Variants in PCDH15 observed in about 807,000 individuals in gnomAD.
The protein encoded by PCDH15 is protocadherin-15.
PCDH15 carries 129 observed loss-of-function variants against 178.5 expected under a neutral mutation model. The ratio of observed to expected loss-of-function variants is 0.72; its 90% CI spans 0.63 to 0.84. PCDH15 has a LOEUF of 0.84. Among genes scored for constraint, PCDH15 ranks in the 40% least tolerant of loss-of-function variants. The pLI is 0.00. For missense variants in PCDH15, 2,230 were observed against 2,099.9 expected, an observed-to-expected ratio of 1.06 and a Z score of -1.21; for synonymous variants, 800 against 732.0, an observed-to-expected ratio of 1.09 and a Z score of -1.50.
intron 18 of PCDH15, among the ~76,000 whole-genome samples, chr10:54,028,457 G>T (rs112422885): frequency 0.036 from 5,476 of 151,280 alleles, 109 homozygotes; most frequent in African/African-American, 0.05. Context: ...CAAAGGACTA[G>T]AAATCATGCT....
rs150740276 is a variant in PCDH15 at position 54,580,038 on chromosome 10, G to T, written c.92-52161C>A. Among the ~76,000 whole-genome samples, 260 of 152,048 alleles carry T rather than the reference G, an allele frequency of 1.7e-3. 2 individuals are homozygous for T. Among genetic ancestry groups the T allele is most frequent in the African/African-American group, 6.1e-3 (253 of 41,502 alleles). On this transcript the variant is annotated intron_variant, in intron 2 of 37. Coordinates refer to ENST00000644397, the MANE Select transcript of PCDH15 (RefSeq NM_001384140.1). ...GAAGTTAGAAAGATCTCAAATTAAT[G>T]ATCTAACATTACACCTATGGGAACC...
chr10:55,138,111 A>G (rs867814853), intron 2 of PCDH15, among the ~76,000 whole-genome samples: 3 of 152,198 alleles, frequency 2.0e-5, no homozygotes, highest in African/African-American at 4.8e-5. Flanking sequence ...TTGCTGCTAT[A>G]GCTGTTGTAA....
intron 14 of PCDH15, 33 bp from the exon 15 acceptor site, chr10:54,133,040 C>G: frequency 6.2e-7 from 1 of 1,613,384 alleles, no homozygotes; most frequent in Non-Finnish European, 8.5e-7. Flanking sequence ...AAGATGGTTA[C>G]GAATCTGCAT....
chr10:54,010,977 A>C (rs373259016), intron 20 of PCDH15, among the ~76,000 whole-genome samples: 5 of 152,208 alleles, frequency 3.3e-5, no homozygotes, highest in African/African-American at 1.2e-4. Flanking sequence ...GGACTGGAGA[A>C]GAAAGAAAGG....
At chr10:55,340,611 G>A (rs1844528834) in intron 2 of PCDH15, among the ~76,000 whole-genome samples, 2 of 151,788 alleles carry the variant, frequency 1.3e-5, no homozygotes, top group African/African-American at 4.8e-5. Context: ...CTTATTTTTA[G>A]TAATCTTCTT....
chr10:55,357,845 C>G (rs1477514210), intron 2 of PCDH15, among the ~76,000 whole-genome samples: 1 of 152,042 alleles, frequency 6.6e-6, no homozygotes, highest in Middle Eastern at 3.4e-3. Flanking sequence ...GTTTCTACTG[C>G]CCCCATACAT....
intron 1 of PCDH15, among the ~76,000 whole-genome samples, chr10:55,258,302 G>A (rs1360382578): frequency 6.6e-6 from 1 of 152,166 alleles, no homozygotes; most frequent in Admixed American, 6.5e-5. Context: ...AGCTTATGGA[G>A]AACTAGAACT....
chr10:53,929,652 CAA>C (rs1292756524), intron 25 of PCDH15, among the ~76,000 whole-genome samples: 1 of 152,184 alleles, frequency 6.6e-6, no homozygotes, highest in Middle Eastern at 3.4e-3. Flanking sequence ...TTAGAAACCA[CAA>C]AAGTCAGAAG....
chr10:54,237,563 A>G (rs2054764830), intron 8 of PCDH15, among the ~76,000 whole-genome samples: 1 of 152,170 alleles, frequency 6.6e-6, no homozygotes, highest in African/African-American at 2.4e-5. Context: ...TTGTTGTGCT[A>G]TCAGGACTGG....
intron 3 of PCDH15, among the ~76,000 whole-genome samples, chr10:54,420,266 G>GCAGCCTT (rs1955058223): frequency 6.6e-6 from 1 of 152,060 alleles, no homozygotes; most frequent in Non-Finnish European, 1.5e-5. Context: ...AACTTCCCCT[G>GCAGCCTT]CAGCCTTGTC....
chr10:54,916,427 G>C (rs1837339684), intron 2 of PCDH15, among the ~76,000 whole-genome samples: 1 of 152,164 alleles, frequency 6.6e-6, no homozygotes, highest in Non-Finnish European at 1.5e-5. Context: ...GTATTATATG[G>C]ATATGGCATA....
chr10:54,096,005 A>G lies in PCDH15; in HGVS notation c.1918-5942T>C, dbSNP rs533486052. ...ATGTATTAAGCACTTTTAATATCCC[A>G]TCTCATTTAATCCTCAAAACAATCT... On this transcript the variant is annotated intron_variant, in intron 15 of 37. Coordinates refer to ENST00000644397, the MANE Select transcript of PCDH15 (RefSeq NM_001384140.1). Among the ~76,000 whole-genome samples, 4 of 152,256 alleles carry G rather than the reference A, an allele frequency of 2.6e-5. No individual in the cohort carries two copies. In the East Asian group the frequency reaches 7.7e-4, roughly 29 times the overall value.
chr10:55,568,824 G>A (rs1010369026), intron 2 of PCDH15, among the ~76,000 whole-genome samples: 5 of 151,994 alleles, frequency 3.3e-5, no homozygotes, highest in Admixed American at 6.6e-5. Context: ...ACAGCCTCAC[G>A]TTATTCATCA....
intron 1 of PCDH15, among the ~76,000 whole-genome samples, chr10:54,764,417 T>C (rs1948260757): frequency 1.3e-5 from 2 of 152,120 alleles, no homozygotes; most frequent in Admixed American, 1.3e-4. Flanking sequence ...AGATTCATTG[T>C]GTTTAGGGTA....
chr10:53,862,875 G>A (rs559034088), intron 27 of PCDH15, among the ~76,000 whole-genome samples: 43 of 152,232 alleles, frequency 2.8e-4, no homozygotes, highest in African/African-American at 7.2e-4. Flanking sequence ...GGACACTTTC[G>A]TTGATAGGTT....
intron 23 of PCDH15, among the ~76,000 whole-genome samples, chr10:53,949,620 C>T (rs1050340751): frequency 6.6e-6 from 1 of 151,956 alleles, no homozygotes; most frequent in African/African-American, 2.4e-5. Context: ...CACCTAAAGT[C>T]GCAGCTACTT....
In PCDH15 at chr10:54,769,717, C is replaced by A. The variant is rs137924887; in HGVS notation, c.-29+31208G>T. Among the ~76,000 whole-genome samples, 11 of 152,112 alleles carry A rather than the reference C, an allele frequency of 7.2e-5. No individual in the cohort carries two copies. The East Asian group carries it at 2.1e-3, about 30-fold the overall frequency. On this transcript the variant is annotated intron_variant, in intron 1 of 37. Transcript: ENST00000644397. Reference sequence around the variant, plus strand: ...GTGACAAAGTTTCTAGAATCCAGTGCCTGAGGGTCAGCAGTCCAGCTCTGG... The same window carrying A: ...GTGACAAAGTTTCTAGAATCCAGTGACTGAGGGTCAGCAGTCCAGCTCTGG...
At chr10:53,903,113 T>C in intron 26 of PCDH15, 130 bp downstream of exon 26, 1 of 1,005,168 alleles carries the variant, frequency 9.9e-7, no homozygotes, top group Non-Finnish European at 1.5e-6. Flanking sequence ...ACTAAACTAA[T>C]ATAGCTCCAA....
At chr10:55,416,813 G>T (rs1208397330) in intron 2 of PCDH15, among the ~76,000 whole-genome samples, 2 of 151,770 alleles carry the variant, frequency 1.3e-5, no homozygotes, top group Admixed American at 6.6e-5. Context: ...ATCTAAGCTA[G>T]TGTCTGTCAC....
Sources: allele counts gnomAD v4.1 joint callset (sites outside exome capture counted in the v4.1 genomes callset), GRCh38; gene constraint gnomAD v4.1.1; transcripts MANE v1.5; gene names NCBI Gene and HGNC (gene_info 2026-07-23, HGNC 2026-07-21).